Variants in ENAH observed in about 807,000 individuals in gnomAD.
The protein encoded by ENAH is ENAH actin regulator.
In ENAH, 23 loss-of-function variants were observed where a neutral mutation model predicts 78.7. The ratio of observed to expected loss-of-function variants is 0.29; its 90% confidence interval spans 0.21 to 0.41. The LOEUF (loss-of-function observed/expected upper bound fraction) is 0.41. ENAH is among the 10% of genes least tolerant of loss of function. ENAH has a pLI of 1.00. For synonymous variants in ENAH, 226 were observed against 241.0 expected, an observed-to-expected ratio of 0.94 and a Z score of 0.58; for missense variants, 544 against 691.0, an observed-to-expected ratio of 0.79 and a Z score of 2.39.
At chr1:225,636,480 C>T (rs890674618) in intron 1 of ENAH, among the ~76,000 whole-genome samples, 8 of 152,190 alleles carry the variant, frequency 5.3e-5, no homozygotes, top group African/African-American at 1.9e-4. Flanking sequence ...CTTACCAAAA[C>T]ATCCTATGTA....
Position 225,534,267 on chromosome 1 carries a change from A to C in ENAH, c.350-3629T>G, listed in dbSNP as rs376651863. The stretch of plus-strand genomic sequence containing the variant: ...GTTACTGATTACACACTTAATCTGC[A>C]GTGTTTCATTGTGGGATCTGGGAGG... On this transcript the variant is annotated intron_variant, in intron 3 of 13. Transcript: ENST00000366843. Among the ~76,000 whole-genome samples, 203 of 152,190 alleles carry C rather than the reference A, an allele frequency of 1.3e-3. 1 individual carries two copies. Among genetic ancestry groups the C allele is most frequent in the African/African-American group, 4.8e-3 (201 of 41,536 alleles).
At chr1:225,503,803 C>T (rs1480934645) in intron 11 of ENAH, among the ~76,000 whole-genome samples, 1 of 151,906 alleles carries the variant, frequency 6.6e-6, no homozygotes, top group African/African-American at 2.4e-5. Flanking sequence ...AAGAATTTGG[C>T]CAGAGTCTGC....
At chr1:225,497,862 A>G in intron 13 of ENAH, 50 bp from the exon 14 acceptor site, 1 of 1,517,642 alleles carries the variant, frequency 6.6e-7, no homozygotes, top group Non-Finnish European at 9.1e-7. Flanking sequence ...ATAAAGTAAG[A>G]TAAATGAGTG....
At chr1:225,635,879 A>G (rs1053184044) in intron 1 of ENAH, among the ~76,000 whole-genome samples, 22 of 152,254 alleles carry the variant, frequency 1.4e-4, no homozygotes, top group African/African-American at 4.8e-4. Flanking sequence ...AACCCAAGCC[A>G]GAGAAAGCAA....
Position 225,506,527 on chromosome 1 carries a change from T to C in ENAH, c.1538+1424A>G, listed in dbSNP as rs149823307. Among the ~76,000 whole-genome samples the C allele has an allele frequency of 4.0e-3, 608 of 152,226 alleles. 6 individuals carry two copies. Among genetic ancestry groups the C allele is most frequent in the African/African-American group, 0.014 (576 of 41,538 alleles). On this transcript the variant is annotated intron_variant, in intron 11 of 13. Transcript: ENST00000366843. ...GGCTTAATAAATCAGCACTTCATAA[T>C]GTGCTACTGAAGAAAATCCGTAACT...
chr1:225,529,343 T>A (rs1271561426), intron 4 of ENAH, among the ~76,000 whole-genome samples: 1 of 152,210 alleles, frequency 6.6e-6, no homozygotes, highest in Non-Finnish European at 1.5e-5. Context: ...CTGCACAGAA[T>A]GCACTTACAT....
chr1:225,526,418 G>A (rs1228410285), intron 4 of ENAH, among the ~76,000 whole-genome samples: 7 of 149,666 alleles, frequency 4.7e-5, no homozygotes, highest in African/African-American at 1.5e-4. Flanking sequence ...AGCTCATTGC[G>A]ACCTTGGCCT....
chr1:225,646,108 TATCTA>T (rs1268447984), intron 1 of ENAH, among the ~76,000 whole-genome samples: 1 of 151,926 alleles, frequency 6.6e-6, no homozygotes, highest in Non-Finnish European at 1.5e-5. Flanking sequence ...AAACAAAACT[TATCTA>T]AAGTTCACCT....
intron 1 of ENAH, among the ~76,000 whole-genome samples, chr1:225,617,701 G>A (rs528245332): frequency 7.3e-4 from 111 of 152,202 alleles, no homozygotes; most frequent in African/African-American, 2.7e-3. Flanking sequence ...AGTAAGCTTA[G>A]GAATAGCCAG....
chr1:225,585,605 T>G (rs1002736903), intron 1 of ENAH, among the ~76,000 whole-genome samples: 10 of 151,876 alleles, frequency 6.6e-5, no homozygotes, highest in African/African-American at 2.2e-4. Flanking sequence ...CTGACCAACA[T>G]GGAGAAATCC....
intron 5 of ENAH, chr1:225,517,615 G>A (rs1389571306): frequency 1.3e-6 from 2 of 1,550,848 alleles, no homozygotes; most frequent in Non-Finnish European, 1.7e-6. Flanking sequence ...TATTGGAGGA[G>A]ATGGAGGGAG....
intron 2 of ENAH, among the ~76,000 whole-genome samples, chr1:225,564,625 G>A (rs1263548570): frequency 6.6e-6 from 1 of 151,710 alleles, no homozygotes; most frequent in Non-Finnish European, 1.5e-5. Flanking sequence ...GTTTTGTAGA[G>A]ACAGAGTCTC....
intron 4 of ENAH, among the ~76,000 whole-genome samples, chr1:225,525,343 G>C (rs2096495523): frequency 6.6e-6 from 1 of 152,030 alleles, no homozygotes; most frequent in African/African-American, 2.4e-5. Context: ...TTACTTTCTA[G>C]AACAATTTTT....
At chr1:225,569,314 T>G (rs905384281) in intron 1 of ENAH, among the ~76,000 whole-genome samples, 3 of 152,150 alleles carry the variant, frequency 2.0e-5, no homozygotes, top group Non-Finnish European at 4.4e-5. Flanking sequence ...ATTCAAGAGA[T>G]AATGTCTTGG....
intron 1 of ENAH, among the ~76,000 whole-genome samples, chr1:225,648,374 G>A (rs748348968): frequency 6.6e-6 from 1 of 152,122 alleles, no homozygotes; most frequent in Non-Finnish European, 1.5e-5. Context: ...TAAGCCTTCT[G>A]TAAGATAAAT....
chr1:225,628,574 T>C (rs1373180507), intron 1 of ENAH, among the ~76,000 whole-genome samples: 1 of 151,608 alleles, frequency 6.6e-6, no homozygotes, highest in Non-Finnish European at 1.5e-5. Context: ...TAATCACACA[T>C]ATATAAATGC....
intron 3 of ENAH, among the ~76,000 whole-genome samples, chr1:225,533,403 T>C (rs1444903656): frequency 6.6e-6 from 1 of 152,160 alleles, no homozygotes; most frequent in African/African-American, 2.4e-5. Flanking sequence ...ATAGGTACTT[T>C]CATAACCATT....
chr1:225,605,130 G>A (rs539089490), intron 1 of ENAH, among the ~76,000 whole-genome samples: 62 of 152,280 alleles, frequency 4.1e-4, no homozygotes, highest in Non-Finnish European at 6.9e-4. Context: ...TCTGACAAGC[G>A]ACTGGGTAAA....
intron 3 of ENAH, among the ~76,000 whole-genome samples, chr1:225,531,616 C>G (rs2096537810): frequency 6.6e-6 from 1 of 152,080 alleles, no homozygotes; most frequent in Non-Finnish European, 1.5e-5. Context: ...TTTGTGAATT[C>G]TAGTGTACCA....
Sources: allele counts gnomAD v4.1 joint callset (sites outside exome capture counted in the v4.1 genomes callset), GRCh38; gene constraint gnomAD v4.1.1; transcripts MANE v1.5; gene names NCBI Gene and HGNC (gene_info 2026-07-23, HGNC 2026-07-21).